The following STPG2 variants were observed in gnomAD, a reference collection of about 807,000 sequenced individuals.
STPG2 encodes the protein sperm-tail PG-rich repeat-containing protein 2.
In STPG2, 56 loss-of-function variants were observed where a neutral mutation model predicts 54.2. That is an observed-to-expected ratio of 1.03 (90% confidence interval 0.83 to 1.29). STPG2 has a LOEUF of 1.29. STPG2 is among the 50% of genes most tolerant of loss of function. The pLI, the probability that STPG2 is intolerant of heterozygous loss-of-function variation, is 0.00. For synonymous variants in STPG2, 200 were observed against 181.8 expected (o/e 1.10, Z -0.81); for missense variants, 596 against 544.9 (o/e 1.09, Z -0.93).
intron 8 of STPG2, among the ~76,000 whole-genome samples, chr4:97,868,563 C>T (rs1053485517): frequency 1.6e-4 from 25 of 151,958 alleles, no homozygotes; most frequent in South Asian, 6.2e-4. Context: ...AGCTCAGATT[C>T]CAACCAAAGG....
In STPG2 at chr4:97,949,120, TATA is replaced by T. The variant is rs535445843; in HGVS notation, c.934-5116_934-5114del. 5.2e-3 allele frequency among the ~76,000 whole-genome samples: 788 copies of T among 152,228 alleles called. 7 individuals carry two copies. Among genetic ancestry groups the T allele is most frequent in the Middle Eastern group, 0.02 (6 of 294 alleles). Reference sequence around the variant, plus strand: ...GGATAAGTGCTTATACATTTAAAATTATAATATCTTCTCGTTGAATTGATCCTT... The same window carrying T: ...GGATAAGTGCTTATACATTTAAAATTATATCTTCTCGTTGAATTGATCCTT... On this transcript the variant is annotated intron_variant, in intron 7 of 10. Coordinates refer to ENST00000295268, the MANE Select transcript of STPG2 (RefSeq NM_174952.3).
At chr4:97,802,925 G>T (rs1727442166) in intron 9 of STPG2, among the ~76,000 whole-genome samples, 1 of 152,048 alleles carries the variant, frequency 6.6e-6, no homozygotes, top group African/African-American at 2.4e-5. Flanking sequence ...TTTATAATTT[G>T]CAAAGCCACC....
intron 9 of STPG2, among the ~76,000 whole-genome samples, chr4:97,764,375 T>C (rs1271185432): frequency 6.6e-6 from 1 of 152,126 alleles, no homozygotes; most frequent in African/African-American, 2.4e-5. Flanking sequence ...CCCTTTAAGC[T>C]ATAAGATACA....
chr4:97,912,923 C>A (rs1731736148), intron 8 of STPG2, among the ~76,000 whole-genome samples: 1 of 152,104 alleles, frequency 6.6e-6, no homozygotes, highest in Non-Finnish European at 1.5e-5. Context: ...GTACTAATGA[C>A]CCAATAATAC....
chr4:98,021,631 A>G (rs1244530582), intron 5 of STPG2, among the ~76,000 whole-genome samples: 5 of 152,014 alleles, frequency 3.3e-5, no homozygotes, highest in Non-Finnish European at 7.4e-5. Flanking sequence ...AAAGTCTCCC[A>G]TTATTATTGT....
At chr4:97,821,771 A>T (rs1452697138) in intron 9 of STPG2, among the ~76,000 whole-genome samples, 1 of 152,218 alleles carries the variant, frequency 6.6e-6, no homozygotes, top group Non-Finnish European at 1.5e-5. Flanking sequence ...AGCCTGAGCT[A>T]TACCTGAGGC....
intron 10 of STPG2, among the ~76,000 whole-genome samples, chr4:97,653,558 A>C (rs1487561970): frequency 6.6e-6 from 1 of 152,154 alleles, no homozygotes; most frequent in Non-Finnish European, 1.5e-5. Flanking sequence ...AGAAAACATA[A>C]AGAAAACAAT....
At chr4:97,768,108 A>T (rs1306245486) in intron 9 of STPG2, among the ~76,000 whole-genome samples, 1 of 151,598 alleles carries the variant, frequency 6.6e-6, no homozygotes, top group Non-Finnish European at 1.5e-5. Flanking sequence ...CGGATCTTGC[A>T]GTGAGCCGAG....
chr4:97,991,209 C>A (rs770338593), intron 5 of STPG2, among the ~76,000 whole-genome samples: 67 of 152,032 alleles, frequency 4.4e-4, no homozygotes, highest in Non-Finnish European at 6.2e-4. Context: ...CAATTGCACC[C>A]AGGTTGCTGT....
Position 97,836,866 on chromosome 4 carries a change from TAAC to T in STPG2, c.1204+3904_1204+3906del, listed in dbSNP as rs764937485. Among the ~76,000 whole-genome samples, 1,063 of 149,228 alleles carry T rather than the reference TAAC, an allele frequency of 7.1e-3. 5 individuals carry two copies. Among genetic ancestry groups the T allele is most frequent in the Non-Finnish European group, 0.013 (843 of 67,286 alleles). ...TATTTAATTAATAAATGATAATTAA[TAAC>T]AATAAATTAATATTTAGTTAATAAA... is the stretch of plus-strand genomic sequence containing the variant. On this transcript the variant is annotated intron_variant, in intron 9 of 10. Transcript: ENST00000295268.
intron 10 of STPG2, among the ~76,000 whole-genome samples, chr4:97,567,584 T>C (rs1732487218): frequency 6.6e-6 from 1 of 151,814 alleles, no homozygotes; most frequent in Admixed American, 6.6e-5. Flanking sequence ...AATTGCAAAA[T>C]ACTGGGATGT....
At position 98,038,689 on chromosome 4, in the gene STPG2, AAATT is replaced by A. The variant is rs1365909201; in HGVS notation, c.613-57375_613-57372del. Among the ~76,000 whole-genome samples, 4 of 152,194 alleles carry A rather than the reference AAATT, an allele frequency of 2.6e-5. No individual in the cohort carries two copies. The East Asian group carries it at 7.7e-4, about 29-fold the overall frequency. On this transcript the variant is annotated intron_variant, in intron 5 of 10. Coordinates refer to ENST00000295268, the MANE Select transcript of STPG2 (RefSeq NM_174952.3). ...CAAAAAATAAAACCTGTGAATAAAAAAATTAATAAATTTGATCATACTGAAAAAA... is the reference window on the plus strand; with the variant it reads ...CAAAAAATAAAACCTGTGAATAAAAAAATAAATTTGATCATACTGAAAAAA...
chr4:98,062,723 AAAGAAGATG>A (rs1274615605), intron 5 of STPG2, among the ~76,000 whole-genome samples: 2 of 152,086 alleles, frequency 1.3e-5, no homozygotes, highest in Non-Finnish European at 2.9e-5. Flanking sequence ...CTTTGAATTA[AAAGAAGATG>A]ATGGTAACTA....
At chr4:98,041,603 G>A (rs974938060) in intron 5 of STPG2, among the ~76,000 whole-genome samples, 10 of 151,556 alleles carry the variant, frequency 6.6e-5, no homozygotes, top group African/African-American at 1.9e-4. Context: ...ATAGTTTTTT[G>A]TTTTTAATTT....
At chr4:97,832,481 C>T (rs1728499292) in intron 9 of STPG2, among the ~76,000 whole-genome samples, 2 of 152,198 alleles carry the variant, frequency 1.3e-5, no homozygotes, top group South Asian at 2.1e-4. Flanking sequence ...TCTCTTACCA[C>T]TCCTATTCAA....
At chr4:97,685,979 T>A (rs561010278) in intron 10 of STPG2, among the ~76,000 whole-genome samples, 1 of 152,308 alleles carries the variant, frequency 6.6e-6, no homozygotes, top group Non-Finnish European at 1.5e-5. Context: ...CCCTCAAAAT[T>A]CATAATGTCA....
At chr4:97,781,459 A>G (rs147795300) in intron 9 of STPG2, among the ~76,000 whole-genome samples, 1 of 152,154 alleles carries the variant, frequency 6.6e-6, no homozygotes, top group African/African-American at 2.4e-5. Flanking sequence ...AACCAAAAAA[A>G]GTCCAGGACC....
At chr4:97,656,096 A>G (rs754213449) in intron 10 of STPG2, among the ~76,000 whole-genome samples, 4 of 152,136 alleles carry the variant, frequency 2.6e-5, no homozygotes, top group Non-Finnish European at 4.4e-5. Flanking sequence ...AACACAAACA[A>G]GAAGGGTCTC....
intron 10 of STPG2, among the ~76,000 whole-genome samples, chr4:97,679,274 C>T (rs1389525382): frequency 1.3e-5 from 2 of 152,080 alleles, no homozygotes; most frequent in Non-Finnish European, 2.9e-5. Flanking sequence ...TCTCCACATC[C>T]TCTCCAGCAC....
Sources: gnomAD v4.1 joint callset for allele counts (sites outside exome capture counted in the v4.1 genomes callset) on GRCh38, gnomAD v4.1.1 for gene constraint, MANE v1.5 for transcripts, NCBI Gene and HGNC (gene_info 2026-07-23, HGNC 2026-07-21) for gene names.